The following TAAR5 variants were observed in gnomAD, a reference collection of about 807,000 sequenced individuals.
TAAR5 encodes the protein trace amine associated receptor 5.
Under a neutral mutation model 21.1 loss-of-function variants are expected in TAAR5, and 27 were observed. The observed-to-expected ratio is 1.28, with a 90% CI of 0.94 to 1.76. The LOEUF (loss-of-function observed/expected upper bound fraction) is 1.76. Among genes scored for constraint, TAAR5 ranks in the 40% most tolerant of loss-of-function variants. TAAR5 has a pLI of 0.00. For synonymous variants in TAAR5, 203 were observed against 167.5 expected (o/e 1.21, Z -1.64); for missense variants, 495 against 405.6 (o/e 1.22, Z -1.89).
the TAAR5 span, among the ~76,000 whole-genome samples, chr6:132,598,298 G>A: frequency 2.0e-5 from 3 of 152,254 alleles, no homozygotes; most frequent in South Asian, 6.2e-4. Context: ...AGTGATTTAA[G>A]AAAATGACCC....
chr6:132,605,623 TACAC>T, the TAAR5 span, among the ~76,000 whole-genome samples: 4 of 151,954 alleles, frequency 2.6e-5, no homozygotes, highest in Admixed American at 6.6e-5. Flanking sequence ...CACACACACA[TACAC>T]ACACAAACAT....
chr6:132,596,430 G>A, the TAAR5 span, among the ~76,000 whole-genome samples: 6 of 152,064 alleles, frequency 3.9e-5, no homozygotes, highest in East Asian at 3.9e-4. Flanking sequence ...CTGAGAATAG[G>A]CTAAAACTGA....
chr6:132,615,132 G>T, the TAAR5 span, among the ~76,000 whole-genome samples: 1 of 152,188 alleles, frequency 6.6e-6, no homozygotes, highest in South Asian at 2.1e-4. Flanking sequence ...AAAGTGCTGG[G>T]ATTACAGGCA....
upstream of TAAR5, among the ~76,000 whole-genome samples, chr6:132,590,430 T>C (rs1365233993): frequency 6.6e-6 from 1 of 152,260 alleles, no homozygotes; most frequent in Non-Finnish European, 1.5e-5. Context: ...AACATCTTAA[T>C]GTAAGTCTGT....
chr6:132,590,937 G>A (rs911713001), upstream of TAAR5, among the ~76,000 whole-genome samples: 2 of 152,136 alleles, frequency 1.3e-5, no homozygotes, highest in South Asian at 4.1e-4. Context: ...CTCTCAACAT[G>A]AGAAATAGTT....
chr6:132,604,308 A>C, the TAAR5 span, among the ~76,000 whole-genome samples: 1 of 151,730 alleles, frequency 6.6e-6, no homozygotes, highest in Admixed American at 6.6e-5. Flanking sequence ...ATGCACAGAT[A>C]ATTTCTGTAT....
chr6:132,616,203 T>C, the TAAR5 span, among the ~76,000 whole-genome samples: 2 of 152,326 alleles, frequency 1.3e-5, no homozygotes, highest in African/African-American at 4.8e-5. Flanking sequence ...TAGAGCCCAG[T>C]GTTGAGCTTA....
chr6:132,592,095 T>G (rs1024318415), upstream of TAAR5, among the ~76,000 whole-genome samples: 14 of 152,214 alleles, frequency 9.2e-5, no homozygotes, highest in Non-Finnish European at 7.3e-5. Flanking sequence ...CAAAAGTAAT[T>G]GGATTCTGGA....
the TAAR5 span, among the ~76,000 whole-genome samples, chr6:132,612,658 C>A: frequency 6.6e-6 from 1 of 152,114 alleles, no homozygotes; most frequent in African/African-American, 2.4e-5. Context: ...GCATGACACC[C>A]CTCCGTGTCC....
At chr6:132,605,615 C>T in the TAAR5 span, among the ~76,000 whole-genome samples, 2 of 152,124 alleles carry the variant, frequency 1.3e-5, no homozygotes, top group African/African-American at 2.4e-5. Flanking sequence ...CACACATGCA[C>T]ACACACATAC....
chr6:132,588,783 G>A lies in TAAR5; in HGVS notation c.904C>T (p.Pro302Ser). The A allele has an allele frequency of 2.5e-6, 4 of 1,614,064 alleles. No homozygotes were observed. Among genetic ancestry groups the A allele is most frequent in the African/African-American group, 1.3e-5 (1 of 75,030 alleles). ...TGGTAGGAAAAGACATAGATGATGG[G>A]GTTGCAGGCTGAGTTGAAGTAAGCA... Reference protein sequence around the residue: ...WFAYFNSACNPIIYVFSYQWF... With the variant: ...WFAYFNSACNSIIYVFSYQWF... Residue 302 changes from proline (P) to serine (S), a missense_variant, in exon 1 of 1, where the codon CCC (proline) becomes TCC (serine). Transcript: ENST00000258034.
the TAAR5 span, among the ~76,000 whole-genome samples, chr6:132,604,848 A>G: frequency 6.6e-6 from 1 of 152,152 alleles, no homozygotes; most frequent in African/African-American, 2.4e-5. Context: ...ACCAGGAAAA[A>G]GCAGTCTCAT....
chr6:132,590,989 G>GT (rs1046848964), upstream of TAAR5, among the ~76,000 whole-genome samples: 4 of 152,130 alleles, frequency 2.6e-5, no homozygotes, highest in African/African-American at 9.7e-5. Context: ...TGAAGGGGTG[G>GT]TTTGTGACTT....
At position 132,589,207 on chromosome 6, in the gene TAAR5, C is replaced by A; in HGVS notation, c.480G>T (p.Gly160=). ...VALRYILAGW[G]VPAAYTSLFL... ...ATAACGAAGTGTATGCTGCGGGCAC[C>A]CCCCATCCTGCCAGGATGTACCTGA... Residue 160 remains glycine, a synonymous_variant, in exon 1 of 1, where the codon GGG becomes GGT. Coordinates refer to ENST00000258034, the MANE Select transcript of TAAR5 (RefSeq NM_003967.3). 6.2e-7 allele frequency: 1 copy of A among 1,605,134 alleles called. No homozygotes were observed. Among genetic ancestry groups the A allele is most frequent in the Non-Finnish European group, 8.5e-7 (1 of 1,175,486 alleles).
At chr6:132,599,222 G>A in the TAAR5 span, among the ~76,000 whole-genome samples, 1 of 151,692 alleles carries the variant, frequency 6.6e-6, no homozygotes, top group Non-Finnish European at 1.5e-5. Context: ...CAGACACTAA[G>A]CTTCAAGGAG....
chr6:132,612,465 A>C, the TAAR5 span, among the ~76,000 whole-genome samples: 15 of 152,320 alleles, frequency 9.8e-5, no homozygotes, highest in Non-Finnish European at 1.5e-4. Context: ...TTCTTATAAA[A>C]TAACCCCTCC....
Position 132,589,718 on chromosome 6 carries a change from C to T in TAAR5, c.-32G>A, listed in dbSNP as rs764529059. 19 of 627,930 alleles carry T rather than the reference C, an allele frequency of 3.0e-5. No homozygotes were observed. Among genetic ancestry groups the T allele is most frequent in the East Asian group, 6.2e-5 (1 of 16,120 alleles). 38.9% of individuals were successfully genotyped at this position (627,930 alleles called of 1,614,324 possible). The stretch of plus-strand genomic sequence containing the variant: ...TTTCTACTCTTCCTCTGTCTGAGAA[C>T]TGGCCACCTTCTCCACTGGAGGGCA... On this transcript the variant is annotated 5_prime_UTR_variant, in exon 1 of 1. Transcript: ENST00000258034.
rs1371162902 is a variant in TAAR5, at chr6:132,589,410, T to C, written c.277A>G (p.Ile93Val). Residue 93 changes from isoleucine to valine, a missense_variant, in exon 1 of 1, where the codon ATT becomes GTT. By Grantham distance (29) the Ile-to-Val change is conservative. Transcript: ENST00000258034. Reference protein sequence around the residue: ...LGLLVLPLSTIRSVESCWFFG... With the variant: ...LGLLVLPLSTVRSVESCWFFG... ...AACCAGCAGCTCTCCACTGAGCGAA[T>C]GGTGCTGAGGGGCAGCACCAGCAGA... is the stretch of plus-strand genomic sequence containing the variant. The C allele has an allele frequency of 6.2e-7, 1 of 1,614,062 alleles. No individual in the cohort carries two copies. Among genetic ancestry groups the C allele is most frequent in the Non-Finnish European group, 8.5e-7 (1 of 1,179,968 alleles).
chr6:132,616,439 CGGAGGAAA>C, the TAAR5 span, among the ~76,000 whole-genome samples: 1 of 152,084 alleles, frequency 6.6e-6, no homozygotes, highest in Non-Finnish European at 1.5e-5. Context: ...GATGAGCCTA[CGGAGGAAA>C]GGAAGACACT....
Sources: allele counts gnomAD v4.1 joint callset (sites outside exome capture counted in the v4.1 genomes callset), GRCh38; gene constraint gnomAD v4.1.1; transcripts MANE v1.5; gene names NCBI Gene and HGNC (gene_info 2026-07-23, HGNC 2026-07-21).